SLC24A2: variants seen among roughly 807,000 people sequenced by gnomAD.
The protein encoded by SLC24A2 is solute carrier family 24 member 2.
SLC24A2 carries 36 observed loss-of-function variants against 62.0 expected under a neutral mutation model. The ratio of observed to expected loss-of-function variants is 0.58; its 90% CI spans 0.44 to 0.77. The LOEUF (loss-of-function observed/expected upper bound fraction) is 0.77. SLC24A2 is among the 30% of genes least tolerant of loss of function. The pLI is 0.00. For missense variants in SLC24A2, 846 were observed against 817.9 expected, an observed-to-expected ratio of 1.03 and a Z score of -0.42; for synonymous variants, 358 against 294.0, an observed-to-expected ratio of 1.22 and a Z score of -2.23.
chr9:20,104,075 G>A, the SLC24A2 span, among the ~76,000 whole-genome samples: 10 of 152,106 alleles, frequency 6.6e-5, no homozygotes, highest in Non-Finnish European at 1.0e-4. Context: ...CAGCCGATGC[G>A]ATCAACTGGA....
At chr9:19,771,595 T>A (rs1161055634) in intron 2 of SLC24A2, among the ~76,000 whole-genome samples, 1 of 152,216 alleles carries the variant, frequency 6.6e-6, no homozygotes. Flanking sequence ...CCATCCACCA[T>A]GCCACCAGTT....
At chr9:19,780,074 C>G (rs946673033) in intron 2 of SLC24A2, among the ~76,000 whole-genome samples, 4 of 151,830 alleles carry the variant, frequency 2.6e-5, no homozygotes, top group Non-Finnish European at 5.9e-5. Context: ...AAACAAAAAT[C>G]AAAAACCAAA....
intron 9 of SLC24A2, among the ~76,000 whole-genome samples, chr9:19,526,507 C>CA (rs554351175): frequency 3.3e-4 from 51 of 152,276 alleles, no homozygotes; most frequent in African/African-American, 1.1e-3. Context: ...TCCTCATCAA[C>CA]ACTTGTTAGG....
At chr9:20,258,815 C>T in the SLC24A2 span, among the ~76,000 whole-genome samples, 14,018 of 120,958 alleles carry the variant, frequency 0.12, 1,258 homozygotes, top group East Asian at 0.48. Flanking sequence ...TATCTATCTA[C>T]CTTATCTATC....
the SLC24A2 span, among the ~76,000 whole-genome samples, chr9:20,061,733 T>G: frequency 6.6e-6 from 1 of 152,010 alleles, no homozygotes. Flanking sequence ...TATAAAACAT[T>G]TGGAAGAAAA....
the SLC24A2 span, among the ~76,000 whole-genome samples, chr9:20,157,312 C>T: frequency 2.6e-5 from 4 of 151,340 alleles, no homozygotes; most frequent in South Asian, 2.1e-4. Flanking sequence ...AAAAAAGCCA[C>T]GAATTTCAAA....
chr9:20,037,472 T>C, the SLC24A2 span, among the ~76,000 whole-genome samples: 1 of 152,216 alleles, frequency 6.6e-6, no homozygotes, highest in Non-Finnish European at 1.5e-5. Context: ...ATAACTCAGC[T>C]ATTGTGAATA....
At chr9:19,845,545 A>G in the SLC24A2 span, among the ~76,000 whole-genome samples, 9 of 151,930 alleles carry the variant, frequency 5.9e-5, no homozygotes, top group Admixed American at 6.6e-5. Context: ...AAGAGCCAAC[A>G]TTTGTTTCTT....
At chr9:19,575,029 TGA>T (rs1156621164) in intron 6 of SLC24A2, among the ~76,000 whole-genome samples, 1 of 152,174 alleles carries the variant, frequency 6.6e-6, no homozygotes, top group Non-Finnish European at 1.5e-5. Flanking sequence ...GAAAATAATT[TGA>T]GAGTTACATA....
chr9:19,781,048 C>G (rs1210434568), intron 2 of SLC24A2, among the ~76,000 whole-genome samples: 2 of 151,962 alleles, frequency 1.3e-5, no homozygotes, highest in Non-Finnish European at 2.9e-5. Context: ...TTACAGTAAT[C>G]ATAGTAAATA....
the SLC24A2 span, among the ~76,000 whole-genome samples, chr9:19,975,099 C>T: frequency 1.1e-3 from 165 of 152,268 alleles, no homozygotes; most frequent in Middle Eastern, 3.4e-3. Context: ...TAACCAATCT[C>T]AGCCAAGTGG....
the SLC24A2 span, among the ~76,000 whole-genome samples, chr9:19,904,074 C>G: frequency 6.6e-6 from 1 of 152,116 alleles, no homozygotes; most frequent in Non-Finnish European, 1.5e-5. Context: ...CTAAACAGCT[C>G]GGACATGTAG....
intron 7 of SLC24A2, among the ~76,000 whole-genome samples, chr9:19,557,541 G>C (rs974025519): frequency 6.6e-6 from 1 of 152,210 alleles, no homozygotes; most frequent in Admixed American, 6.5e-5. Flanking sequence ...TTACCCTGTA[G>C]TGGTGTTGAC....
At chr9:19,565,762 CAG>C (rs1370825152) in intron 7 of SLC24A2, among the ~76,000 whole-genome samples, 6 of 152,198 alleles carry the variant, frequency 3.9e-5, no homozygotes, top group African/African-American at 1.2e-4. Flanking sequence ...GGTACCAAAA[CAG>C]AAATATAGAC....
the SLC24A2 span, among the ~76,000 whole-genome samples, chr9:19,826,879 C>T: frequency 6.6e-6 from 1 of 152,112 alleles, no homozygotes; most frequent in Admixed American, 6.5e-5. Flanking sequence ...AATGTGGTCT[C>T]CAGTGAATCT....
At chr9:19,652,083 C>A (rs1194339903) in intron 2 of SLC24A2, among the ~76,000 whole-genome samples, 1 of 152,128 alleles carries the variant, frequency 6.6e-6, no homozygotes, top group Non-Finnish European at 1.5e-5. Flanking sequence ...AATTTCAAAT[C>A]TTTTTGAATC....
At chr9:19,979,977 G>C in the SLC24A2 span, among the ~76,000 whole-genome samples, 1 of 152,318 alleles carries the variant, frequency 6.6e-6, no homozygotes, top group African/African-American at 2.4e-5. Context: ...CACAGAAATA[G>C]AGTTGATTCA....
At chr9:19,713,633 T>G (rs1820778530) in intron 2 of SLC24A2, among the ~76,000 whole-genome samples, 1 of 152,186 alleles carries the variant, frequency 6.6e-6, no homozygotes, top group African/African-American at 2.4e-5. Flanking sequence ...ATGAAAGGCC[T>G]GCATTTTCCT....
chr9:19,910,611 G>C, the SLC24A2 span, among the ~76,000 whole-genome samples: 1 of 152,154 alleles, frequency 6.6e-6, no homozygotes, highest in South Asian at 2.1e-4. Flanking sequence ...TCCACATATA[G>C]CATGCTTGGT....
Sources: gnomAD v4.1 joint callset for allele counts (sites outside exome capture counted in the v4.1 genomes callset) on GRCh38, gnomAD v4.1.1 for gene constraint, MANE v1.5 for transcripts, NCBI Gene and HGNC (gene_info 2026-07-23, HGNC 2026-07-21) for gene names.